Variants in EYA1 observed in about 807,000 individuals in gnomAD.
EYA1 encodes EYA transcriptional coactivator and phosphatase 1.
A neutral mutation model predicts 82.0 loss-of-function variants in EYA1; 16 were observed. That is an observed-to-expected ratio of 0.20 (90% CI 0.13 to 0.30). The LOEUF is 0.30. Ranked by LOEUF, EYA1 falls within the 10% of genes least tolerant of loss-of-function variation. The probability of loss-of-function intolerance (pLI) is 1.00; values close to 1 mark genes in which losing one functional copy is unlikely to be tolerated. For missense variants in EYA1, 633 were observed against 730.7 expected (o/e 0.87, Z 1.54); for synonymous variants, 261 against 264.4 (o/e 0.99, Z 0.12).
chr8:71,370,947 GA>G (rs1172911557), intron 2 of EYA1, among the ~76,000 whole-genome samples: 1 of 152,072 alleles, frequency 6.6e-6, no homozygotes, highest in East Asian at 1.9e-4. Flanking sequence ...AAAAGTGGGG[GA>G]AAAAGTCTAA....
At chr8:71,467,090 T>C (rs1162032274) in intron 2 of EYA1, among the ~76,000 whole-genome samples, 3 of 152,082 alleles carry the variant, frequency 2.0e-5, no homozygotes, top group African/African-American at 4.8e-5. Context: ...ATTTATTTTA[T>C]TGTGGTATGT....
chr8:71,221,209 C>T (rs1297448476), intron 12 of EYA1, among the ~76,000 whole-genome samples: 1 of 151,870 alleles, frequency 6.6e-6, no homozygotes, highest in African/African-American at 2.4e-5. Flanking sequence ...TGGTGGCCTA[C>T]TGGAGATGGT....
chr8:71,208,222 C>G (rs909390710), intron 17 of EYA1, among the ~76,000 whole-genome samples: 3 of 151,824 alleles, frequency 2.0e-5, no homozygotes, highest in African/African-American at 7.3e-5. Flanking sequence ...CACTTGGGGT[C>G]AGGAGATTGA....
chr8:71,508,193 A>C (rs1396313018), intron 2 of EYA1, among the ~76,000 whole-genome samples: 1 of 152,188 alleles, frequency 6.6e-6, no homozygotes, highest in Non-Finnish European at 1.5e-5. Context: ...AAAATTTTCT[A>C]TCCATGCTCT....
intron 11 of EYA1, among the ~76,000 whole-genome samples, chr8:71,251,366 A>G (rs1055623706): frequency 1.3e-5 from 2 of 152,206 alleles, no homozygotes; most frequent in African/African-American, 4.8e-5. Context: ...TTCTAGTGGA[A>G]GCCTTCTTAA....
chr8:71,236,574 G>T (rs546099392), intron 12 of EYA1, among the ~76,000 whole-genome samples: 16 of 152,232 alleles, frequency 1.1e-4, no homozygotes, highest in Middle Eastern at 3.4e-3. Flanking sequence ...ACCATGGGGG[G>T]TGGGTATATT....
chr8:71,204,276 C>G (rs530026513), intron 17 of EYA1: 16 of 152,292 alleles, frequency 1.1e-4, no homozygotes, highest in South Asian at 6.2e-4. Context: ...CCTTCCTCAT[C>G]TGATATTTAG....
At chr8:71,299,488 C>T in intron 8 of EYA1, 150 bp downstream of exon 8, 1 of 695,634 alleles carries the variant, frequency 1.4e-6, no homozygotes, top group Non-Finnish European at 2.5e-6. Context: ...CCAAACAACT[C>T]ACCACAAAAG....
intron 11 of EYA1, among the ~76,000 whole-genome samples, chr8:71,265,368 T>C (rs564235082): frequency 3.3e-5 from 5 of 152,230 alleles, no homozygotes; most frequent in Non-Finnish European, 7.3e-5. Flanking sequence ...GCTGGGCATA[T>C]AGAAAGTTCT....
intron 2 of EYA1, among the ~76,000 whole-genome samples, chr8:71,522,387 G>T (rs1208117522): frequency 6.6e-6 from 1 of 152,132 alleles, no homozygotes; most frequent in East Asian, 1.9e-4. Context: ...ATGAGCTAAA[G>T]CTGTATATGT....
At chr8:71,464,574 G>T (rs1010037110) in intron 2 of EYA1, among the ~76,000 whole-genome samples, 1 of 152,058 alleles carries the variant, frequency 6.6e-6, no homozygotes, top group African/African-American at 2.4e-5. Context: ...TTGTAATGTT[G>T]GCATAATTAT....
intron 2 of EYA1, among the ~76,000 whole-genome samples, chr8:71,405,843 A>T (rs116700464): frequency 1.3e-3 from 196 of 152,278 alleles, no homozygotes; most frequent in African/African-American, 4.6e-3. Context: ...ATCACTGACA[A>T]ACTTTCTGGA....
intron 2 of EYA1, among the ~76,000 whole-genome samples, chr8:71,533,103 C>T (rs1370774204): frequency 6.6e-6 from 1 of 152,082 alleles, no homozygotes; most frequent in African/African-American, 2.4e-5. Flanking sequence ...ACAGCGGTTG[C>T]CTGTGGGGTG....
chr8:71,210,407 C>T (rs1411501820), intron 17 of EYA1, among the ~76,000 whole-genome samples: 1 of 152,136 alleles, frequency 6.6e-6, no homozygotes, highest in Non-Finnish European at 1.5e-5. Flanking sequence ...GACACAACTA[C>T]AGTGTAAGGT....
intron 2 of EYA1, among the ~76,000 whole-genome samples, chr8:71,466,877 T>A (rs1808808103): frequency 6.6e-6 from 1 of 152,136 alleles, no homozygotes; most frequent in Admixed American, 6.5e-5. Flanking sequence ...TTCTTACCAC[T>A]GGGGTTTGGA....
intron 17 of EYA1, 129 bp from the exon 18 acceptor site, chr8:71,199,549 A>C: frequency 1.4e-6 from 1 of 696,494 alleles, no homozygotes; most frequent in Non-Finnish European, 2.6e-6. Flanking sequence ...ACATCTTAAC[A>C]TCACATCTGT....
chr8:71,346,791 C>CA (rs1825788613), intron 3 of EYA1, among the ~76,000 whole-genome samples: 1 of 152,010 alleles, frequency 6.6e-6, no homozygotes, highest in Admixed American at 6.6e-5. Flanking sequence ...TGATCAATTT[C>CA]AAAAATTTGA....
chr8:71,266,685 A>T (rs1197130125), intron 11 of EYA1, among the ~76,000 whole-genome samples: 1 of 151,720 alleles, frequency 6.6e-6, no homozygotes, highest in Non-Finnish European at 1.5e-5. Flanking sequence ...TGCAATGTTG[A>T]CTGTGAATCT....
At chr8:71,341,719 G>A (rs1228359993) in intron 3 of EYA1, among the ~76,000 whole-genome samples, 2 of 152,010 alleles carry the variant, frequency 1.3e-5, no homozygotes, top group Admixed American at 6.6e-5. Flanking sequence ...GTAAAGTTAA[G>A]GTCATCTTCT....
Sources: allele counts gnomAD v4.1 joint callset (sites outside exome capture counted in the v4.1 genomes callset), GRCh38; gene constraint gnomAD v4.1.1; transcripts MANE v1.5; gene names NCBI Gene and HGNC (gene_info 2026-07-23, HGNC 2026-07-21).